PCTP: variants seen among roughly 807,000 people sequenced by gnomAD.
The protein encoded by PCTP is phosphatidylcholine transfer protein, also known as START domain-containing protein 2.
PCTP carries 27 observed loss-of-function variants against 31.0 expected under a neutral mutation model. The ratio of observed to expected loss-of-function variants is 0.87; its 90% CI spans 0.64 to 1.20. The LOEUF is 1.20. PCTP is among the 50% of genes most tolerant of loss of function. The pLI, the probability that PCTP is intolerant of heterozygous loss-of-function variation, is 0.00. For missense variants in PCTP, 287 were observed against 268.2 expected (o/e 1.07, Z -0.49); for synonymous variants, 108 against 101.2 (o/e 1.07, Z -0.40).
intron 5 of PCTP, among the ~76,000 whole-genome samples, chr17:55,829,084 G>C (rs1449199938): frequency 1.3e-5 from 2 of 152,130 alleles, no homozygotes; most frequent in African/African-American, 2.4e-5. Context: ...AGAGGAGACA[G>C]TGGGGCTGAG....
chr17:55,838,077 G>A (rs911390137), intron 5 of PCTP, among the ~76,000 whole-genome samples: 1 of 152,168 alleles, frequency 6.6e-6, no homozygotes, highest in Non-Finnish European at 1.5e-5. Context: ...GGAGATTGAG[G>A]CTGCAGTGAG....
chr17:55,791,344 A>T (rs2145005616), intron 3 of PCTP, among the ~76,000 whole-genome samples: 1 of 149,158 alleles, frequency 6.7e-6, no homozygotes, highest in East Asian at 2.0e-4. Context: ...ACAGCAAAAG[A>T]AACTACCATC....
chr17:55,764,104 A>G (rs780406172), intron 1 of PCTP, among the ~76,000 whole-genome samples: 4 of 152,234 alleles, frequency 2.6e-5, no homozygotes, highest in Admixed American at 6.5e-5. Flanking sequence ...ATATAACAGG[A>G]TGGAAGTCAC....
downstream of PCTP, among the ~76,000 whole-genome samples, chr17:55,778,851 A>C (rs2144982107): frequency 6.6e-6 from 1 of 152,272 alleles, no homozygotes; most frequent in South Asian, 2.1e-4. Flanking sequence ...CAAATTATTC[A>C]CACTGCATAA....
chr17:55,834,590 T>C (rs1259741817), intron 5 of PCTP, among the ~76,000 whole-genome samples: 1 of 152,202 alleles, frequency 6.6e-6, no homozygotes, highest in Non-Finnish European at 1.5e-5. Flanking sequence ...ATCGCTTGTG[T>C]GTGTGTATAG....
At chr17:55,817,387 T>G (rs1912958724) in intron 3 of PCTP, among the ~76,000 whole-genome samples, 1 of 152,226 alleles carries the variant, frequency 6.6e-6, no homozygotes, top group Non-Finnish European at 1.5e-5. Flanking sequence ...AGTTGGCTTA[T>G]TTTCACTGAG....
intron 3 of PCTP, among the ~76,000 whole-genome samples, chr17:55,814,962 C>G (rs1436463516): frequency 6.6e-6 from 1 of 152,150 alleles, no homozygotes; most frequent in Non-Finnish European, 1.5e-5. Context: ...CTTTGAGAAA[C>G]TCAGAAACCA....
chr17:55,806,432 C>A (rs547775031), intron 3 of PCTP, among the ~76,000 whole-genome samples: 2 of 152,162 alleles, frequency 1.3e-5, no homozygotes, highest in African/African-American at 4.8e-5. Flanking sequence ...GCAAATGGTA[C>A]AAAACAAGAC....
chr17:55,809,539 T>TC (rs979767605), intron 3 of PCTP, among the ~76,000 whole-genome samples: 2 of 151,470 alleles, frequency 1.3e-5, no homozygotes, highest in African/African-American at 4.8e-5. Context: ...TTTTTTTTTT[T>TC]GGAGACGAAG....
chr17:55,782,172 G>C (rs1302027593), downstream of PCTP, among the ~76,000 whole-genome samples: 4 of 152,148 alleles, frequency 2.6e-5, no homozygotes, highest in Non-Finnish European at 5.9e-5. Flanking sequence ...CTCAGAAGAG[G>C]GTCAGCCTTT....
At chr17:55,767,765 CTTTT>C (rs10634278) in intron 2 of PCTP, among the ~76,000 whole-genome samples, 12 of 103,492 alleles carry the variant, frequency 1.2e-4, no homozygotes, top group East Asian at 6.2e-4. Flanking sequence ...GCACCCAGTG[CTTTT>C]TTTTTTTTTT....
chr17:55,844,772 C>T, downstream of PCTP, among the ~76,000 whole-genome samples: 1 of 152,056 alleles, frequency 6.6e-6, no homozygotes, highest in East Asian at 1.9e-4. Flanking sequence ...ACTTCCACCT[C>T]ACAGGGTTGT....
chr17:55,778,162 GGTTATGTAGGAAACT>G (rs1567718820), downstream of PCTP, among the ~76,000 whole-genome samples: 2 of 149,960 alleles, frequency 1.3e-5, no homozygotes, highest in African/African-American at 4.9e-5. Context: ...CACGAGCTGA[GGTTATGTAGGAAACT>G]GAAAACTCTT....
chr17:55,758,078 A>G (rs1390783428), intron 1 of PCTP, among the ~76,000 whole-genome samples: 1 of 152,186 alleles, frequency 6.6e-6, no homozygotes, highest in African/African-American at 2.4e-5. Context: ...CTTCGTTACC[A>G]TGCCATTAAC....
chr17:55,831,737 G>A (rs550386821), intron 5 of PCTP, among the ~76,000 whole-genome samples: 1 of 152,206 alleles, frequency 6.6e-6, no homozygotes, highest in Non-Finnish European at 1.5e-5. Context: ...TCCCAGATAC[G>A]ATTAGGCTAC....
At chr17:55,779,287 A>G (rs914083300), downstream of PCTP, among the ~76,000 whole-genome samples, 1 of 152,220 alleles carries the variant, frequency 6.6e-6, no homozygotes, top group Non-Finnish European at 1.5e-5. Context: ...CTGAAGGATG[A>G]TAAGTGCTCA....
intron 2 of PCTP, 21 bp from the exon 3 acceptor site, chr17:55,771,085 A>G (rs1323294042): frequency 6.3e-7 from 1 of 1,597,826 alleles, no homozygotes; most frequent in Non-Finnish European, 8.6e-7. Flanking sequence ...AGATGCATTA[A>G]CTTCTTTTGC....
chr17:55,815,756 C>A (rs184488927), intron 3 of PCTP, among the ~76,000 whole-genome samples: 1 of 152,290 alleles, frequency 6.6e-6, no homozygotes, highest in East Asian at 1.9e-4. Flanking sequence ...GCATCGGGAA[C>A]CTGCCAACAG....
intron 3 of PCTP, among the ~76,000 whole-genome samples, chr17:55,813,654 A>AGG (rs1740582142): frequency 6.6e-6 from 1 of 152,204 alleles, no homozygotes; most frequent in Admixed American, 6.5e-5. Context: ...CCACTTGTAG[A>AGG]ATACAGCATA....
Sources: gnomAD v4.1 joint callset for allele counts (sites outside exome capture counted in the v4.1 genomes callset) on GRCh38, gnomAD v4.1.1 for gene constraint, MANE v1.5 for transcripts, NCBI Gene and HGNC (gene_info 2026-07-23, HGNC 2026-07-21) for gene names.